TMEM266: variants seen among roughly 807,000 people sequenced by gnomAD.
TMEM266 encodes the protein transmembrane protein 266, also known as Hv1 related protein 1.
TMEM266 carries 33 observed loss-of-function variants against 50.5 expected under a neutral mutation model. The observed-to-expected ratio is 0.65, with a 90% CI of 0.50 to 0.87. The LOEUF is 0.87. Among genes scored for constraint, TMEM266 ranks in the 40% least tolerant of loss-of-function variants. TMEM266 has a pLI of 0.00. For synonymous variants in TMEM266, 310 were observed against 292.3 expected (o/e 1.06, Z -0.62); for missense variants, 655 against 695.1 (o/e 0.94, Z 0.65).
chr15:76,096,573 G>A (rs1366785194), intron 1 of TMEM266, among the ~76,000 whole-genome samples: 10 of 152,150 alleles, frequency 6.6e-5, no homozygotes, highest in Admixed American at 3.9e-4. Context: ...TGAGAAGAAT[G>A]TATATTCTGT....
chr15:76,192,365 A>C (rs2038591542), intron 9 of TMEM266, among the ~76,000 whole-genome samples: 1 of 151,208 alleles, frequency 6.6e-6, no homozygotes, highest in Non-Finnish European at 1.5e-5. Context: ...CCAGCCACCG[A>C]CCCAAACTAG....
At chr15:76,068,828 C>T (rs919967806) in intron 1 of TMEM266, among the ~76,000 whole-genome samples, 2 of 152,216 alleles carry the variant, frequency 1.3e-5, no homozygotes, top group Non-Finnish European at 2.9e-5. Flanking sequence ...CCTGCACTAA[C>T]TAATACATCC....
At position 76,189,362 on chromosome 15, in the gene TMEM266, G is replaced by GAGGA. The variant is rs570387591; in HGVS notation, c.769-2588_769-2585dup. ...CAGAGAAAGAAGGAGGGGAGGGAGG[G>GAGGA]AGGAAGGAAGGAAGGAAGGAAAGAA... On this transcript the variant is annotated intron_variant, in intron 8 of 10. Transcript: ENST00000388942. Among the ~76,000 whole-genome samples the GAGGA allele has an allele frequency of 2.8e-4, 40 of 144,684 alleles. 1 individual carries two copies. The highest frequency in any genetic ancestry group is 7.4e-4 in the African/African-American group (26 of 35,372). The allele number at this position is 144,684 out of a possible 152,430, so 94.9% of individuals were successfully genotyped here. A position where few individuals can be genotyped will look rare whatever the true frequency, so the allele number is the denominator to read the frequency against.
intron 9 of TMEM266, among the ~76,000 whole-genome samples, chr15:76,197,057 A>T (rs1196416204): frequency 1.3e-5 from 2 of 152,164 alleles, no homozygotes; most frequent in Non-Finnish European, 2.9e-5. Flanking sequence ...GCATCCAGAG[A>T]CACTGCCGCA....
chr15:76,186,009 T>C (rs2038486250), intron 8 of TMEM266, among the ~76,000 whole-genome samples: 1 of 152,194 alleles, frequency 6.6e-6, no homozygotes, highest in East Asian at 1.9e-4. Context: ...CAGCCCCTGC[T>C]TTTCCCTCTG....
chr15:76,200,782 AGT>A (rs2038733723), intron 9 of TMEM266, among the ~76,000 whole-genome samples: 2 of 152,258 alleles, frequency 1.3e-5, no homozygotes, highest in South Asian at 4.1e-4. Context: ...CTGCAAGAAG[AGT>A]GTAGCTGGCT....
intron 3 of TMEM266, among the ~76,000 whole-genome samples, chr15:76,142,690 G>A (rs2037698613): frequency 6.6e-6 from 1 of 152,214 alleles, no homozygotes; most frequent in African/African-American, 2.4e-5. Flanking sequence ...GAGGAAGAAG[G>A]AGCAGTCGCC....
At chr15:76,118,147 C>T (rs534328678) in intron 1 of TMEM266, among the ~76,000 whole-genome samples, 1 of 152,372 alleles carries the variant, frequency 6.6e-6, no homozygotes, top group South Asian at 2.1e-4. Context: ...GCGGCCCACA[C>T]TGACCTCCTC....
At chr15:76,069,205 T>C (rs2036495653) in intron 1 of TMEM266, among the ~76,000 whole-genome samples, 1 of 152,184 alleles carries the variant, frequency 6.6e-6, no homozygotes, top group Non-Finnish European at 1.5e-5. Flanking sequence ...TATCTGCCTC[T>C]GGAAATTGTA....
chr15:76,108,492 C>G (rs569954341), intron 1 of TMEM266, among the ~76,000 whole-genome samples: 2 of 152,358 alleles, frequency 1.3e-5, no homozygotes, highest in East Asian at 3.9e-4. Flanking sequence ...TCCTGATTCA[C>G]TGGGCCTGGG....
chr15:76,086,268 C>G (rs1051005150), intron 1 of TMEM266, among the ~76,000 whole-genome samples: 1 of 152,062 alleles, frequency 6.6e-6, no homozygotes, highest in Non-Finnish European at 1.5e-5. Context: ...AATCCAGGCA[C>G]AGAATAATCC....
At chr15:76,081,041 TACCCAGC>T (rs1374074558) in intron 1 of TMEM266, among the ~76,000 whole-genome samples, 1 of 152,182 alleles carries the variant, frequency 6.6e-6, no homozygotes, top group Non-Finnish European at 1.5e-5. Context: ...TGAGCCTCCG[TACCCAGC>T]ACCCTGGGGA....
At chr15:76,099,625 G>A (rs1236066828) in intron 1 of TMEM266, among the ~76,000 whole-genome samples, 1 of 152,196 alleles carries the variant, frequency 6.6e-6, no homozygotes, top group East Asian at 1.9e-4. Context: ...CATAGAGCTG[G>A]AAAATGGAAG....
intron 7 of TMEM266, among the ~76,000 whole-genome samples, chr15:76,173,004 A>T (rs576763726): frequency 1.3e-5 from 2 of 152,278 alleles, no homozygotes; most frequent in South Asian, 4.1e-4. Flanking sequence ...CACATCAGGC[A>T]TCACGGAGCT....
chr15:76,105,322 AAGGCACAGCC>A (rs2037064673), intron 1 of TMEM266, among the ~76,000 whole-genome samples: 1 of 152,114 alleles, frequency 6.6e-6, no homozygotes, highest in Admixed American at 6.5e-5. Context: ...ATGGTCCTCC[AAGGCACAGCC>A]TGGGGTCCCC....
chr15:76,105,479 A>T (rs1396483313), intron 1 of TMEM266, among the ~76,000 whole-genome samples: 1 of 152,222 alleles, frequency 6.6e-6, no homozygotes, highest in African/African-American at 2.4e-5. Context: ...CAGGGATCAG[A>T]AAAATTCTTC....
At position 76,194,019 on chromosome 15, in the gene TMEM266, C is replaced by G. The variant is rs373469808; in HGVS notation, c.958+1862C>G. Among the ~76,000 whole-genome samples the G allele has an allele frequency of 8.5e-5, 13 of 152,338 alleles. No homozygotes were observed. In the East Asian group the frequency reaches 1.7e-3, roughly 20 times the overall value. On this transcript the variant is annotated intron_variant, in intron 9 of 10. Coordinates refer to ENST00000388942, the MANE Select transcript of TMEM266 (RefSeq NM_152335.3). Reference sequence around the variant, plus strand: ...GGGCAGAATGTTGAGGTGGCCACTACTGCTTTTTTTTTTCTGGACCCAGGT... The same window carrying G: ...GGGCAGAATGTTGAGGTGGCCACTAGTGCTTTTTTTTTTCTGGACCCAGGT...
At chr15:76,106,060 C>T (rs1392057140) in intron 1 of TMEM266, among the ~76,000 whole-genome samples, 1 of 152,186 alleles carries the variant, frequency 6.6e-6, no homozygotes. Context: ...GATGCACAGG[C>T]CCCCAGTTTA....
intron 8 of TMEM266, among the ~76,000 whole-genome samples, chr15:76,180,273 C>T (rs1013985494): frequency 6.6e-5 from 10 of 152,140 alleles, no homozygotes; most frequent in African/African-American, 2.2e-4. Context: ...TGCTCCACGT[C>T]GCATTCAGTA....
Sources: gnomAD v4.1 joint callset for allele counts (sites outside exome capture counted in the v4.1 genomes callset) on GRCh38, gnomAD v4.1.1 for gene constraint, MANE v1.5 for transcripts, NCBI Gene and HGNC (gene_info 2026-07-23, HGNC 2026-07-21) for gene names.